Variants in GRIP1 observed in about 807,000 individuals in gnomAD.
GRIP1 encodes the protein glutamate receptor interacting protein 1.
A neutral mutation model predicts 129.9 loss-of-function variants in GRIP1; 45 were observed. That is an observed-to-expected ratio of 0.35 (90% CI 0.27 to 0.44). The LOEUF (loss-of-function observed/expected upper bound fraction) is 0.44, where lower values mean the gene tolerates loss of function less well. Among genes scored for constraint, GRIP1 ranks in the 20% least tolerant of loss-of-function variants. The pLI is 1.00. For missense variants in GRIP1, 1,196 were observed against 1,396.8 expected (o/e 0.86, Z 2.29); for synonymous variants, 530 against 520.8 (o/e 1.02, Z -0.24).
intron 1 of GRIP1, among the ~76,000 whole-genome samples, chr12:66,652,733 T>C (rs2032891268): frequency 6.6e-6 from 1 of 152,222 alleles, no homozygotes; most frequent in African/African-American, 2.4e-5. Context: ...TCACTCCAGG[T>C]GCTTTTCCTG....
chr12:66,892,550 T>A (rs1006964060), intron 1 of GRIP1, among the ~76,000 whole-genome samples: 24 of 152,024 alleles, frequency 1.6e-4, no homozygotes, highest in Non-Finnish European at 2.6e-4. Flanking sequence ...AGAGACCTTT[T>A]CAGGAGTCTA....
At chr12:66,490,229 T>C (rs1020085123) in intron 7 of GRIP1, among the ~76,000 whole-genome samples, 2 of 152,242 alleles carry the variant, frequency 1.3e-5, no homozygotes, top group Middle Eastern at 6.8e-3. Flanking sequence ...GTTCAAACTA[T>C]ACTACAAGGT....
chr12:66,924,402 G>A (rs1036313729), intron 1 of GRIP1, among the ~76,000 whole-genome samples: 8 of 152,108 alleles, frequency 5.3e-5, no homozygotes, highest in African/African-American at 1.9e-4. Context: ...ACATATGTTG[G>A]GGCCCATGCT....
chr12:66,832,503 G>A (rs2039536411), intron 1 of GRIP1, among the ~76,000 whole-genome samples: 1 of 149,912 alleles, frequency 6.7e-6, no homozygotes, highest in Admixed American at 6.7e-5. Context: ...TTAAAAACTG[G>A]ATTTTTTGTT....
intron 1 of GRIP1, among the ~76,000 whole-genome samples, chr12:67,064,751 A>T (rs1565663271): frequency 6.6e-6 from 1 of 151,480 alleles, no homozygotes; most frequent in Non-Finnish European, 1.5e-5. Flanking sequence ...TCTCATAGAT[A>T]TTTTTTTATT....
intron 1 of GRIP1, among the ~76,000 whole-genome samples, chr12:67,029,604 A>G (rs1592489514): frequency 6.6e-6 from 1 of 150,790 alleles, no homozygotes; most frequent in Admixed American, 6.6e-5. Flanking sequence ...AAAAAGCCAA[A>G]TAATGAACTT....
chr12:66,848,925 C>T lies in GRIP1; in HGVS notation c.58+220125G>A, dbSNP rs548023722. Among the ~76,000 whole-genome samples, 23 of 152,182 alleles carry T rather than the reference C, an allele frequency of 1.5e-4. No individual in the cohort carries two copies. The South Asian group carries it at 3.5e-3, about 23-fold the overall frequency. ...GGATGGCAATTGATGGGCTGCTTTC[C>T]GGGATGGGATTCTGATTGCAAGTCT... On this transcript the variant is annotated intron_variant, in intron 1 of 1. Coordinates refer to the GRIP1 transcript ENST00000643019.
intron 15 of GRIP1, among the ~76,000 whole-genome samples, chr12:66,408,742 C>T (rs1389276238): frequency 6.6e-6 from 1 of 152,198 alleles, no homozygotes; most frequent in African/African-American, 2.4e-5. Flanking sequence ...TTCCCTGATT[C>T]TAGGCCTTAG....
intron 23 of GRIP1, among the ~76,000 whole-genome samples, chr12:66,364,991 C>CAGACTGTA (rs2055048239): frequency 6.6e-6 from 1 of 152,112 alleles, no homozygotes; most frequent in Non-Finnish European, 1.5e-5. Flanking sequence ...AGACTTGTCT[C>CAGACTGTA]AGTCATTTTC....
chr12:66,841,231 G>A (rs2039710490), intron 1 of GRIP1, among the ~76,000 whole-genome samples: 2 of 152,130 alleles, frequency 1.3e-5, no homozygotes, highest in African/African-American at 4.8e-5. Flanking sequence ...CTTCCCATGT[G>A]TTTGTTTCCT....
At chr12:66,647,241 A>G (rs1396785291) in intron 1 of GRIP1, 2 of 152,194 alleles carry the variant, frequency 1.3e-5, no homozygotes, top group Non-Finnish European at 2.9e-5. Flanking sequence ...CAATATACTT[A>G]CTCATTGGTA....
rs755458052 is a variant in GRIP1 at position 66,827,387 on chromosome 12, T to TGTGAGAGA, written c.59-230461_59-230460insTCTCTCAC. ...AGGTGTGTGTGTGTGTGTGTGTGTG[T>TGTGAGAGA]GAGAGAGAGAGAGAGAGAGAGAGAG... On this transcript the variant is annotated intron_variant, in intron 1 of 1. Coordinates refer to the GRIP1 transcript ENST00000643019. Among the ~76,000 whole-genome samples, 339 of 108,276 alleles carry TGTGAGAGA rather than the reference T, an allele frequency of 3.1e-3. 1 individual carries two copies. Among genetic ancestry groups the TGTGAGAGA allele is most frequent in the African/African-American group, 9.1e-3 (255 of 27,876 alleles). The allele number at this position is 108,276 out of a possible 152,430, so 71.0% of individuals were successfully genotyped here. A position where few individuals can be genotyped will look rare whatever the true frequency, so the allele number is the denominator to read the frequency against.
At chr12:66,525,430 C>T (rs2061192855) in intron 5 of GRIP1, among the ~76,000 whole-genome samples, 2 of 152,188 alleles carry the variant, frequency 1.3e-5, no homozygotes, top group East Asian at 1.9e-4. Flanking sequence ...AGACAAAAAC[C>T]ACATGATTAT....
At chr12:67,039,093 A>C (rs764412421) in intron 1 of GRIP1, among the ~76,000 whole-genome samples, 2 of 152,126 alleles carry the variant, frequency 1.3e-5, no homozygotes, top group Non-Finnish European at 2.9e-5. Context: ...TGAAAAATAC[A>C]GAGGTCCTGA....
intron 1 of GRIP1, among the ~76,000 whole-genome samples, chr12:66,914,461 A>C (rs1345815629): frequency 6.6e-6 from 1 of 152,232 alleles, no homozygotes; most frequent in Non-Finnish European, 1.5e-5. Context: ...ACTGTGATGT[A>C]GATATTACCA....
At chr12:66,883,590 C>A (rs1301484218) in intron 1 of GRIP1, among the ~76,000 whole-genome samples, 1 of 152,054 alleles carries the variant, frequency 6.6e-6, no homozygotes, top group Non-Finnish European at 1.5e-5. Context: ...TAAAAAGGAC[C>A]CCCAGGTTCC....
chr12:66,665,495 T>C (rs1281172253), intron 1 of GRIP1, among the ~76,000 whole-genome samples: 2 of 152,184 alleles, frequency 1.3e-5, no homozygotes, highest in Non-Finnish European at 2.9e-5. Context: ...TCCTAACTTC[T>C]ACCCTCATAG....
At chr12:66,464,791 T>C (rs113935477) in intron 8 of GRIP1, among the ~76,000 whole-genome samples, 16 of 151,830 alleles carry the variant, frequency 1.1e-4, no homozygotes, top group African/African-American at 2.7e-4. Context: ...CTTCTGTGTG[T>C]GAAACCTGTA....
At chr12:66,399,581 C>A (rs1347093915) in intron 16 of GRIP1, among the ~76,000 whole-genome samples, 2 of 151,936 alleles carry the variant, frequency 1.3e-5, no homozygotes, top group African/African-American at 4.9e-5. Flanking sequence ...AGGGGGCAAG[C>A]CTACTTGTTT....
Sources: gnomAD v4.1 joint callset for allele counts (sites outside exome capture counted in the v4.1 genomes callset) on GRCh38, gnomAD v4.1.1 for gene constraint, MANE v1.5 for transcripts, NCBI Gene and HGNC (gene_info 2026-07-23, HGNC 2026-07-21) for gene names.